Variants in MRPS35 observed in about 807,000 individuals in gnomAD.
The protein encoded by MRPS35 is small ribosomal subunit protein mS35.
In MRPS35, 29 loss-of-function variants were observed where a neutral mutation model predicts 32.7. The ratio of observed to expected loss-of-function variants is 0.89; its 90% CI spans 0.66 to 1.21. The LOEUF (loss-of-function observed/expected upper bound fraction) is 1.21, where lower values mean the gene tolerates loss of function less well. MRPS35 is among the 50% of genes most tolerant of loss of function. MRPS35 has a pLI of 0.00. For synonymous variants in MRPS35, 148 were observed against 139.3 expected, an observed-to-expected ratio of 1.06 and a Z score of -0.44; for missense variants, 373 against 383.8, an observed-to-expected ratio of 0.97 and a Z score of 0.23.
At chr12:27,751,117 A>AG (rs1341421572) in intron 7 of MRPS35, among the ~76,000 whole-genome samples, 1 of 150,654 alleles carries the variant, frequency 6.6e-6, no homozygotes, top group Non-Finnish European at 1.5e-5. Context: ...AAAAAAAAAA[A>AG]AAAAAAAAAG....
At chr12:27,745,106 C>G (rs1459836379) in intron 7 of MRPS35, among the ~76,000 whole-genome samples, 2 of 152,202 alleles carry the variant, frequency 1.3e-5, no homozygotes, top group Non-Finnish European at 2.9e-5. Flanking sequence ...TGTGCCACCA[C>G]ACCCCCAGCA....
chr12:27,728,270 C>G (rs2061908205), intron 5 of MRPS35, among the ~76,000 whole-genome samples: 1 of 152,070 alleles, frequency 6.6e-6, no homozygotes. Context: ...TTACCAAATT[C>G]TCTTTTTTAA....
intron 5 of MRPS35, among the ~76,000 whole-genome samples, chr12:27,733,364 A>C (rs931485829): frequency 6.6e-6 from 1 of 152,188 alleles, no homozygotes; most frequent in Non-Finnish European, 1.5e-5. Context: ...AATTAATGTG[A>C]ATGTGATCTT....
In MRPS35 at chr12:27,733,630, T is replaced by A. The variant is rs768451349; in HGVS notation, c.523-1817T>A. 4.6e-5 allele frequency among the ~76,000 whole-genome samples: 7 copies of A among 152,214 alleles called. No homozygotes were observed. The South Asian group carries it at 1.4e-3, about 31-fold the overall frequency. ...TATATTTGTGTATTCATAATCATAATAAAGGTATATTTTATTTTTTGTAAA... is the reference window on the plus strand; with the variant it reads ...TATATTTGTGTATTCATAATCATAAAAAAGGTATATTTTATTTTTTGTAAA... On this transcript the variant is annotated intron_variant, in intron 5 of 7. Transcript: ENST00000081029.
At chr12:27,725,455 A>G (rs945324369) in intron 5 of MRPS35, 1 of 152,954 alleles carries the variant, frequency 6.5e-6, no homozygotes. Context: ...GAATATTCTT[A>G]GGTATTAATA....
At chr12:27,723,531 T>C (rs187745389) in intron 4 of MRPS35, among the ~76,000 whole-genome samples, 1 of 152,324 alleles carries the variant, frequency 6.6e-6, no homozygotes, top group East Asian at 1.9e-4. Context: ...TTTGTACCTG[T>C]TTGAGTTGAG....
At chr12:27,745,993 C>T (rs1032943153) in intron 7 of MRPS35, among the ~76,000 whole-genome samples, 4 of 152,146 alleles carry the variant, frequency 2.6e-5, no homozygotes, top group African/African-American at 9.7e-5. Context: ...GGTTCCAAGT[C>T]TTTGCTATTG....
chr12:27,744,686 C>T (rs964955878), intron 7 of MRPS35, among the ~76,000 whole-genome samples: 6 of 152,154 alleles, frequency 3.9e-5, no homozygotes, highest in Non-Finnish European at 5.9e-5. Flanking sequence ...TGTTAAACAA[C>T]TAACTACACA....
chr12:27,736,562 TTAGAG>T (rs2061944056), intron 6 of MRPS35, among the ~76,000 whole-genome samples: 1 of 152,152 alleles, frequency 6.6e-6, no homozygotes, highest in Non-Finnish European at 1.5e-5. Flanking sequence ...TGGTAACTAT[TTAGAG>T]TAGAGGACTT....
At chr12:27,722,212 ACTT>A (rs35459957) in intron 4 of MRPS35, among the ~76,000 whole-genome samples, 3,922 of 152,284 alleles carry the variant, frequency 0.026, 79 homozygotes, top group Middle Eastern at 0.061. Context: ...CTTTTCAAGT[ACTT>A]CTTCTCAGTT....
At chr12:27,744,748 A>G (rs2061976327) in intron 7 of MRPS35, among the ~76,000 whole-genome samples, 1 of 152,222 alleles carries the variant, frequency 6.6e-6, no homozygotes, top group South Asian at 2.1e-4. Context: ...CAGTAATGGT[A>G]AAGTGTAACT....
intron 7 of MRPS35, among the ~76,000 whole-genome samples, chr12:27,746,045 T>C (rs1191833466): frequency 6.6e-6 from 1 of 152,212 alleles, no homozygotes; most frequent in Non-Finnish European, 1.5e-5. Context: ...TGTGTCTTTA[T>C]AGCAGCATGA....
intron 5 of MRPS35, among the ~76,000 whole-genome samples, chr12:27,732,832 G>A (rs2061926879): frequency 6.6e-6 from 1 of 151,926 alleles, no homozygotes; most frequent in Non-Finnish European, 1.5e-5. Flanking sequence ...AACATTAAAT[G>A]GCAAATCTAC....
Position 27,755,507 on chromosome 12 carries a change from A to G in MRPS35, c.*57A>G. The stretch of plus-strand genomic sequence containing the variant: ...TAATTTTATGATATATGTGATCAGT[A>G]TCTAATTTGATATAAAATTGAAAAT... On this transcript the variant is annotated 3_prime_UTR_variant, in exon 8 of 8. Coordinates refer to ENST00000081029, the MANE Select transcript of MRPS35 (RefSeq NM_021821.4). 2 of 1,365,522 alleles carry G rather than the reference A, an allele frequency of 1.5e-6. No individual in the cohort carries two copies. Among genetic ancestry groups the G allele is most frequent in the Non-Finnish European group, 9.7e-7 (1 of 1,030,780 alleles). The allele number at this position is 1,365,522 out of a possible 1,614,324, so 84.6% of individuals were successfully genotyped here. A position where few individuals can be genotyped will look rare whatever the true frequency, so the allele number is the denominator to read the frequency against.
chr12:27,722,735 C>T (rs2061881906), intron 4 of MRPS35, among the ~76,000 whole-genome samples: 1 of 152,104 alleles, frequency 6.6e-6, no homozygotes, highest in Non-Finnish European at 1.5e-5. Context: ...ACTTCTTTCC[C>T]CTCAAAACGA....
At chr12:27,726,085 C>T (rs1427978619) in intron 5 of MRPS35, among the ~76,000 whole-genome samples, 1 of 151,348 alleles carries the variant, frequency 6.6e-6, no homozygotes, top group African/African-American at 2.5e-5. Flanking sequence ...GCTGGGATTA[C>T]AGATGTGAGC....
chr12:27,749,266 T>C (rs992173989), intron 7 of MRPS35, among the ~76,000 whole-genome samples: 3 of 152,220 alleles, frequency 2.0e-5, no homozygotes, highest in Non-Finnish European at 2.9e-5. Flanking sequence ...AACCTCCTAT[T>C]TTTAATATGA....
intron 7 of MRPS35, among the ~76,000 whole-genome samples, chr12:27,745,364 T>C (rs1347951753): frequency 1.3e-5 from 2 of 152,196 alleles, no homozygotes; most frequent in African/African-American, 2.4e-5. Context: ...GCAGCTTCAG[T>C]GTATCATATT....
At chr12:27,737,014 T>C (rs1351729736) in intron 6 of MRPS35, among the ~76,000 whole-genome samples, 1 of 152,252 alleles carries the variant, frequency 6.6e-6, no homozygotes, top group Non-Finnish European at 1.5e-5. Flanking sequence ...TAGCTAGGAC[T>C]ACAGGTGCGC....
Sources: gnomAD v4.1 joint callset for allele counts (sites outside exome capture counted in the v4.1 genomes callset) on GRCh38, gnomAD v4.1.1 for gene constraint, MANE v1.5 for transcripts, NCBI Gene and HGNC (gene_info 2026-07-23, HGNC 2026-07-21) for gene names.